DIDO1: variants seen among roughly 807,000 people sequenced by gnomAD.
The protein encoded by DIDO1 is death-inducer obliterator 1.
DIDO1 carries 16 observed loss-of-function variants against 99.4 expected under a neutral mutation model. That is an observed-to-expected ratio of 0.16 (90% CI 0.11 to 0.24). The LOEUF is 0.24. Among genes scored for constraint, DIDO1 ranks in the 10% least tolerant of loss-of-function variants. DIDO1 has a pLI of 1.00. For missense variants in DIDO1, 2,996 were observed against 3,014.0 expected, an observed-to-expected ratio of 0.99 and a Z score of 0.14; for synonymous variants, 1,366 against 1,239.1, an observed-to-expected ratio of 1.10 and a Z score of -2.15.
chr20:62,921,860 G>C (rs1009680960), intron 1 of DIDO1, among the ~76,000 whole-genome samples: 1 of 147,806 alleles, frequency 6.8e-6, no homozygotes, highest in African/African-American at 2.5e-5. Flanking sequence ...ACATATACCC[G>C]CTATATATAT....
chr20:62,897,911 G>C (rs1256010029), intron 6 of DIDO1, among the ~76,000 whole-genome samples: 1 of 152,190 alleles, frequency 6.6e-6, no homozygotes, highest in East Asian at 1.9e-4. Context: ...AACGCCTGGG[G>C]AATAGGGGGC....
chr20:62,895,149 A>G lies in DIDO1; in HGVS notation c.2231T>C (p.Val744Ala). The change falls in exon 9 of 16, where the codon GTT becomes GCT. Residue 744 changes from valine to alanine, a missense_variant. By Grantham distance (64) the Val-to-Ala change is moderately conservative (BLOSUM62 0). Coordinates refer to ENST00000395343, the MANE Select transcript of DIDO1 (RefSeq NM_001193369.2). ...DPKNQGLFHR[V>A]LREEISLAKL... ...CGCCAAAGAGATTTCCTCACGCAGA[A>G]CACGATGGAAGAGTCCCTATAAACA... 6.2e-7 allele frequency: 1 copy of G among 1,610,196 alleles called. No homozygotes were observed. Among genetic ancestry groups the G allele is most frequent in the African/African-American group, 1.3e-5 (1 of 74,996 alleles).
intron 1 of DIDO1, among the ~76,000 whole-genome samples, chr20:62,923,964 A>G (rs1291842313): frequency 6.6e-6 from 1 of 152,202 alleles, no homozygotes; most frequent in Non-Finnish European, 1.5e-5. Flanking sequence ...TCATATAACA[A>G]CTTAACCTCA....
intron 1 of DIDO1, among the ~76,000 whole-genome samples, chr20:62,920,894 C>T (rs1339665683): frequency 1.3e-5 from 2 of 152,090 alleles, no homozygotes; most frequent in South Asian, 2.1e-4. Context: ...TAATGGTTTA[C>T]AATTTTACTT....
rs1406954616 is a variant in DIDO1 at position 62,879,782 on chromosome 20, G to T, written c.6174C>A (p.Gly2058=). ...SALSSSAPGQ[G]PEADGQWASA... is the part of the protein sequence containing the mutation. ...ATGCCCACTGTCCGTCGGCCTCGGG[G>T]CCCTGTCCGGGCGCACTGGAGGAGA... Residue 2058 remains glycine (G), a synonymous_variant, in exon 16 of 16, where the codon GGC becomes GGA. Transcript: ENST00000395343. The surrounding 1 kb of genome is among the most constrained non-coding windows in gnomAD (Gnocchi z 6.3). 2.5e-6 allele frequency: 4 copies of T among 1,611,372 alleles called. No individual in the cohort carries two copies. In the Admixed American group the frequency reaches 6.7e-5, roughly 27 times the overall value.
chr20:62,921,402 G>A lies in DIDO1; in HGVS notation c.-200+5037C>T, dbSNP rs566570676. Among the ~76,000 whole-genome samples the A allele has an allele frequency of 5.3e-5, 8 of 152,288 alleles. No individual in the cohort carries two copies. The South Asian group carries it at 1.5e-3, about 28-fold the overall frequency. ...GCTGGAGCCTGAAAGGCTGCTCCCCGAGGCCATTCCGGTTCAGTCAGGATC... is the reference window on the plus strand; with the variant it reads ...GCTGGAGCCTGAAAGGCTGCTCCCCAAGGCCATTCCGGTTCAGTCAGGATC... On this transcript the variant is annotated intron_variant, in intron 1 of 15. Transcript: ENST00000395343.
chr20:62,915,788 C>G (rs1285826492), intron 1 of DIDO1, among the ~76,000 whole-genome samples: 1 of 152,176 alleles, frequency 6.6e-6, no homozygotes. Context: ...CCACCATGCC[C>G]AGCCAACACT....
upstream of DIDO1, among the ~76,000 whole-genome samples, chr20:62,929,692 A>AAAAAAATATATATATAT: frequency 6.3e-5 from 4 of 63,710 alleles, no homozygotes; most frequent in African/African-American, 3.0e-4. Flanking sequence ...AAAAAGAAAA[A>AAAAAAATATATATATAT]GTGTATATAT....
intron 1 of DIDO1, among the ~76,000 whole-genome samples, chr20:62,924,105 C>T (rs752426684): frequency 1.3e-5 from 2 of 152,226 alleles, no homozygotes; most frequent in Non-Finnish European, 2.9e-5. Flanking sequence ...TAGTACATTT[C>T]CATTAACTGT....
Position 62,891,069 on chromosome 20 carries a change from G to A in DIDO1, c.3432C>T (p.Gly1144=). ...ISLYSYFSSR[G]RFGVVANNNR... is the part of the protein sequence containing the mutation. ...TGTTATTAGCTACAACACCAAAGCG[G>A]CCACGGCTGCTGAAATAGGAGTAGA... Residue 1144 remains glycine, a synonymous_variant, in exon 15 of 16, where the codon GGC becomes GGT. Transcript: ENST00000395343. 2 of 1,614,186 alleles carry A rather than the reference G, an allele frequency of 1.2e-6. No individual in the cohort carries two copies. Among genetic ancestry groups the A allele is most frequent in the Non-Finnish European group, 1.7e-6 (2 of 1,180,046 alleles).
chr20:62,893,851 T>C lies in DIDO1; in HGVS notation c.2916A>G (p.Pro972=). The change falls in exon 12 of 16, where the codon CCA becomes CCG. Residue 972 remains proline (P), a synonymous_variant. Transcript: ENST00000395343. ...TVSGRDPRTA[P]SSSCTAVASA... ...AGGCCACGGCTGTGCATGAACTGCT[T>C]GGAGCGGTCCTGGGGTCCCGGCCGG... is the stretch of plus-strand genomic sequence containing the variant. 2 of 1,613,952 alleles carry C rather than the reference T, an allele frequency of 1.2e-6. No individual in the cohort carries two copies. Among genetic ancestry groups the C allele is most frequent in the Non-Finnish European group, 8.5e-7 (1 of 1,179,992 alleles).
Position 62,896,574 on chromosome 20 carries a change from G to GA in DIDO1, c.2010dup (p.Arg671SerfsTer18). The GA allele has an allele frequency of 6.3e-7, 1 of 1,595,058 alleles. No homozygotes were observed. The highest frequency in any genetic ancestry group is 8.5e-7 in the Non-Finnish European group (1 of 1,171,618). On this transcript the variant is annotated frameshift_variant, in exon 7 of 16. Transcript: ENST00000395343. LOFTEE classifies it high-confidence loss of function. This position sits in a 1 kb window ranked among gnomAD's most constrained non-coding sequence, Gnocchi z 4.4. ...TTTAAGGAGCGTCTGATATTTTGCC[G>GA]AATTTGTGAATTTGGCTGCGATGGT...
At chr20:62,925,807 C>A (rs1321758152) in intron 1 of DIDO1, among the ~76,000 whole-genome samples, 2 of 152,216 alleles carry the variant, frequency 1.3e-5, no homozygotes, top group Non-Finnish European at 2.9e-5. Flanking sequence ...CAGTACAAAC[C>A]AACGCAACAA....
At chr20:62,913,019 C>T (rs938751587) in intron 2 of DIDO1, among the ~76,000 whole-genome samples, 4 of 152,116 alleles carry the variant, frequency 2.6e-5, no homozygotes, top group Non-Finnish European at 5.9e-5. Context: ...GCGAGCAAGA[C>T]TCAGTCTCAA....
intron 5 of DIDO1, 48 bp downstream of exon 5, chr20:62,907,099 T>C (rs1488303020): frequency 6.3e-7 from 1 of 1,597,368 alleles, no homozygotes; most frequent in Non-Finnish European, 8.6e-7. Flanking sequence ...ACAAACGCTC[T>C]CACGCCTGTG....
At chr20:62,904,780 C>CCA (rs2064762185) in intron 6 of DIDO1, among the ~76,000 whole-genome samples, 2 of 62,610 alleles carry the variant, frequency 3.2e-5, no homozygotes, top group South Asian at 5.4e-4. Context: ...ACTCTTGTCT[C>CCA]AAAAAAAAAA....
At chr20:62,901,172 C>A (rs904758910) in intron 6 of DIDO1, among the ~76,000 whole-genome samples, 4 of 152,194 alleles carry the variant, frequency 2.6e-5, no homozygotes, top group Admixed American at 6.5e-5. Context: ...GACTACATCG[C>A]AGACGCTCCT....
chr20:62,936,094 T>C lies in DIDO1; in HGVS notation c.-200+1702A>G, dbSNP rs565380549. ...AGGCGCTAGCACTCAAGCTTTCTGC[T>C]CGTGCATCCCCTTGCACACTTTCTC... On this transcript the variant is annotated intron_variant, in intron 1 of 15. Coordinates refer to the DIDO1 transcript ENST00000266070. Among the ~76,000 whole-genome samples the C allele has an allele frequency of 1.1e-4, 16 of 152,320 alleles. No homozygotes were observed. In the South Asian group the frequency reaches 3.1e-3, roughly 30 times the overall value.
intron 6 of DIDO1, among the ~76,000 whole-genome samples, chr20:62,897,538 A>C (rs1034010225): frequency 6.6e-6 from 1 of 152,198 alleles, no homozygotes; most frequent in Admixed American, 6.5e-5. Flanking sequence ...GCTGGCATAC[A>C]CCTGAACCAC....
Sources: gnomAD v4.1 joint callset for allele counts (sites outside exome capture counted in the v4.1 genomes callset) on GRCh38, gnomAD v4.1.1 for gene constraint, Gnocchi (gnomAD v3.1) non-coding constraint, MANE v1.5 for transcripts, NCBI Gene and HGNC (gene_info 2026-07-23, HGNC 2026-07-21) for gene names.